ASPRV1: variants seen among roughly 807,000 people sequenced by gnomAD.
The protein encoded by ASPRV1 is retroviral-like aspartic protease 1.
ASPRV1 carries 7 observed loss-of-function variants against 11.0 expected under a neutral mutation model. The observed-to-expected ratio is 0.64, with a 90% confidence interval of 0.36 to 1.20. ASPRV1 has a LOEUF of 1.20. Among genes scored for constraint, ASPRV1 ranks in the 50% most tolerant of loss-of-function variants. The pLI is 0.02. For missense variants in ASPRV1, 299 were observed against 320.0 expected, an observed-to-expected ratio of 0.93 and a Z score of 0.50; for synonymous variants, 136 against 138.4, an observed-to-expected ratio of 0.98 and a Z score of 0.12.
At chr2:70,043,417 C>T in the ASPRV1 span, among the ~76,000 whole-genome samples, 1 of 150,648 alleles carries the variant, frequency 6.6e-6, no homozygotes, top group Non-Finnish European at 1.5e-5. Flanking sequence ...GACAGAGTCT[C>T]GCATTTAAAA....
the ASPRV1 span, among the ~76,000 whole-genome samples, chr2:70,083,038 C>T: frequency 6.6e-6 from 1 of 152,120 alleles, no homozygotes; most frequent in Non-Finnish European, 1.5e-5. Context: ...CCCTTCCAAA[C>T]CCATAAATGT....
chr2:70,085,379 T>C, the ASPRV1 span, among the ~76,000 whole-genome samples: 5 of 152,114 alleles, frequency 3.3e-5, no homozygotes, highest in African/African-American at 1.2e-4. Context: ...GTTACAGGTG[T>C]AGCTCTTATC....
At chr2:69,988,708 A>G in the ASPRV1 span, 6 of 450,428 alleles carry the variant, frequency 1.3e-5, no homozygotes, top group East Asian at 3.5e-4. Flanking sequence ...TACCACAATT[A>G]GAAACAAACA....
At chr2:70,084,111 G>A in the ASPRV1 span, among the ~76,000 whole-genome samples, 5 of 152,184 alleles carry the variant, frequency 3.3e-5, no homozygotes, top group African/African-American at 1.2e-4. Flanking sequence ...AGCTGGGAAA[G>A]GGAAGGCTTC....
At chr2:69,935,324 A>G in the ASPRV1 span, 1 of 1,551,580 alleles carries the variant, frequency 6.4e-7, no homozygotes, top group South Asian at 1.1e-5. Flanking sequence ...GAAACTCTCA[A>G]ATGCTACTGT....
chr2:70,085,964 T>C, the ASPRV1 span: 1 of 152,270 alleles, frequency 6.6e-6, no homozygotes, highest in Non-Finnish European at 1.5e-5. Context: ...AATGCTTTGG[T>C]ACTGTGGGGA....
the ASPRV1 span, among the ~76,000 whole-genome samples, chr2:70,076,540 C>G: frequency 1.3e-5 from 2 of 152,132 alleles, no homozygotes; most frequent in African/African-American, 4.8e-5. Flanking sequence ...TATCATTATC[C>G]TCATTGTACA....
chr2:70,021,437 G>T, the ASPRV1 span, among the ~76,000 whole-genome samples: 20 of 151,002 alleles, frequency 1.3e-4, no homozygotes, highest in African/African-American at 4.4e-4. Flanking sequence ...TCCTGCCTCA[G>T]CCTTCCCAGC....
the ASPRV1 span, among the ~76,000 whole-genome samples, chr2:69,948,168 G>A: frequency 1.3e-5 from 2 of 151,954 alleles, no homozygotes; most frequent in South Asian, 2.1e-4. Context: ...AATTGCTTGA[G>A]CCCAGGGAGG....
the ASPRV1 span, among the ~76,000 whole-genome samples, chr2:69,950,384 T>A: frequency 6.6e-6 from 1 of 152,346 alleles, no homozygotes; most frequent in Admixed American, 6.5e-5. Flanking sequence ...ACAATCTGTT[T>A]GAGAATACTA....
chr2:70,025,135 A>G, the ASPRV1 span, among the ~76,000 whole-genome samples: 1 of 152,150 alleles, frequency 6.6e-6, no homozygotes, highest in Non-Finnish European at 1.5e-5. Context: ...GTATTATCTC[A>G]ACAGACACTA....
At chr2:70,035,447 A>T in the ASPRV1 span, among the ~76,000 whole-genome samples, 1 of 151,992 alleles carries the variant, frequency 6.6e-6, no homozygotes, top group Non-Finnish European at 1.5e-5. Context: ...CTGTGGGAAG[A>T]CTGTTTCACA....
upstream of ASPRV1, chr2:69,964,282 G>C (rs1286700742): frequency 4.5e-6 from 2 of 439,758 alleles, no homozygotes; most frequent in East Asian, 7.2e-5. Context: ...GCTGTGGCTT[G>C]AGGCAGATGG....
At chr2:70,018,298 A>G in the ASPRV1 span, among the ~76,000 whole-genome samples, 1 of 152,116 alleles carries the variant, frequency 6.6e-6, no homozygotes, top group African/African-American at 2.4e-5. Context: ...ACATGGAAAG[A>G]TATGCTGTGT....
chr2:70,046,309 T>C, the ASPRV1 span: 2 of 152,214 alleles, frequency 1.3e-5, no homozygotes, highest in African/African-American at 2.4e-5. Context: ...GGCCTGGACC[T>C]TACTTCTAGC....
At chr2:70,021,379 C>T in the ASPRV1 span, among the ~76,000 whole-genome samples, 7 of 148,414 alleles carry the variant, frequency 4.7e-5, no homozygotes, top group African/African-American at 1.0e-4. Flanking sequence ...AGTGCAGTGG[C>T]GTGATCTCAG....
the ASPRV1 span, among the ~76,000 whole-genome samples, chr2:69,993,110 A>T: frequency 1.3e-5 from 2 of 152,176 alleles, no homozygotes; most frequent in Admixed American, 1.3e-4. Flanking sequence ...AGTGGGGAGG[A>T]ATCAGGCTAC....
the ASPRV1 span, among the ~76,000 whole-genome samples, chr2:69,968,686 C>A: frequency 6.6e-6 from 1 of 152,232 alleles, no homozygotes; most frequent in South Asian, 2.1e-4. Context: ...AATAAGTAAG[C>A]AAAGGCTGTG....
At chr2:70,048,335 A>T in the ASPRV1 span, among the ~76,000 whole-genome samples, 1 of 151,610 alleles carries the variant, frequency 6.6e-6, no homozygotes, top group Non-Finnish European at 1.5e-5. Flanking sequence ...GAATGGCGTG[A>T]ACCCAGGAAG....
Sources: allele counts gnomAD v4.1 joint callset (sites outside exome capture counted in the v4.1 genomes callset), GRCh38; gene constraint gnomAD v4.1.1; transcripts MANE v1.5; gene names NCBI Gene and HGNC (gene_info 2026-07-23, HGNC 2026-07-21).